The following NHSL2 variants were observed in gnomAD, a reference collection of about 807,000 sequenced individuals.
NHSL2 encodes the protein NHS like 2, also known as NHS-like protein 2.
Under a neutral mutation model 53.4 loss-of-function variants are expected in NHSL2, and 27 were observed. The ratio of observed to expected loss-of-function variants is 0.51; its 90% CI spans 0.37 to 0.70. The LOEUF (loss-of-function observed/expected upper bound fraction) is 0.70, where lower values mean the gene tolerates loss of function less well. Ranked by LOEUF, NHSL2 falls within the 30% of genes least tolerant of loss-of-function variation. The pLI, the probability that NHSL2 is intolerant of heterozygous loss-of-function variation, is 0.00. For synonymous variants in NHSL2, 408 were observed against 404.1 expected, an observed-to-expected ratio of 1.01 and a Z score of -0.12; for missense variants, 892 against 980.1, an observed-to-expected ratio of 0.91 and a Z score of 1.20.
chrX:72,071,460 A>G (rs1173774396), intron 1 of NHSL2, among the ~76,000 whole-genome samples: 1 of 111,993 alleles, frequency 8.9e-6, no homozygotes, highest in Non-Finnish European at 1.9e-5. Context: ...GTCATTTCTT[A>G]GAAGTTGCTT....
intron 1 of NHSL2, among the ~76,000 whole-genome samples, chrX:72,002,567 A>C (rs2042076873): frequency 8.9e-6 from 1 of 111,927 alleles, no homozygotes; most frequent in African/African-American, 3.3e-5. Flanking sequence ...GATTAGTGAT[A>C]TTGTTCTCAT....
intron 1 of NHSL2, among the ~76,000 whole-genome samples, chrX:71,953,378 G>T (rs768325991): frequency 8.9e-6 from 1 of 112,131 alleles, no homozygotes; most frequent in Non-Finnish European, 1.9e-5. Flanking sequence ...GTTTACTTTC[G>T]TAGTTTCCTT....
In NHSL2 at chrX:71,925,309, A is replaced by C. The variant is rs755529120; in HGVS notation, c.280+13942A>C. ...CTTAGGTTTCCCACCAGACTCCTCA[A>C]GGGTTGTATTTTATTCCTGTCTGTT... On this transcript the variant is annotated intron_variant, in intron 1 of 7. Coordinates refer to ENST00000633930, the MANE Select transcript of NHSL2 (RefSeq NM_001013627.3). 3.6e-5 allele frequency among the ~76,000 whole-genome samples: 4 copies of C among 111,686 alleles called. No homozygotes were observed. In the East Asian group the frequency reaches 1.1e-3, roughly 31 times the overall value.
At position 72,139,049 on chromosome X, in the gene NHSL2, G is replaced by A. The variant is rs1259238945; in HGVS notation, c.1501G>A (p.Val501Met). ...CAGATTCCGGGAGCGGTCACTGTCT[G>A]TGCCCACAGACTCAGGCACCACAGA... ...ASRFRERSLSVPTDSGTTDVD... is the reference protein window; with the variant it reads ...ASRFRERSLSMPTDSGTTDVD... Residue 501 changes from valine (V) to methionine (M), a missense_variant, in exon 6 of 8, where the codon GTG becomes ATG. By Grantham distance (21) the Val-to-Met change is conservative. Coordinates refer to ENST00000633930, the MANE Select transcript of NHSL2 (RefSeq NM_001013627.3). The A allele has an allele frequency of 6.8e-6, 8 of 1,171,582 alleles. No individual in the cohort carries two copies. The highest frequency in any genetic ancestry group is 9.1e-6 in the Non-Finnish European group (8 of 875,067).
At chrX:71,954,510 A>G (rs1422591034) in intron 1 of NHSL2, among the ~76,000 whole-genome samples, 1 of 112,153 alleles carries the variant, frequency 8.9e-6, no homozygotes, top group East Asian at 2.8e-4. Context: ...GGGAAAACAG[A>G]TTGATTAAAG....
intron 1 of NHSL2, among the ~76,000 whole-genome samples, chrX:71,912,155 G>T (rs2041607266): frequency 8.9e-6 from 1 of 112,758 alleles, no homozygotes; most frequent in Non-Finnish European, 1.9e-5. Flanking sequence ...GGTTCCAGTG[G>T]TGCCCTCACT....
At chrX:72,026,900 G>C (rs2042188860) in intron 1 of NHSL2, among the ~76,000 whole-genome samples, 1 of 112,365 alleles carries the variant, frequency 8.9e-6, no homozygotes, top group African/African-American at 3.2e-5. Flanking sequence ...CAGCATGCCA[G>C]GGTCAGACAC....
intron 1 of NHSL2, among the ~76,000 whole-genome samples, chrX:71,963,974 C>CACAT (rs1556312124): frequency 8.3e-5 from 4 of 47,968 alleles, no homozygotes; most frequent in Non-Finnish European, 1.0e-4. Flanking sequence ...TATATATATA[C>CACAT]ATATATATAT....
At chrX:72,020,237 T>TAC (rs987307379) in intron 1 of NHSL2, among the ~76,000 whole-genome samples, 59 of 111,512 alleles carry the variant, frequency 5.3e-4, no homozygotes, top group African/African-American at 1.6e-3. Flanking sequence ...TTCATTAAAA[T>TAC]ACACACACAC....
chrX:72,139,962 T>G lies in NHSL2; in HGVS notation c.2414T>G (p.Phe805Cys). ...KVSRHHSETNFGVKLAQKTNP... is the reference protein window; with the variant it reads ...KVSRHHSETNCGVKLAQKTNP... ...AGTCGGCACCACTCAGAGACAAATTTTGGCGTCAAGCTGGCCCAGAAAACT... is the reference window on the plus strand; with the variant it reads ...AGTCGGCACCACTCAGAGACAAATTGTGGCGTCAAGCTGGCCCAGAAAACT... Residue 805 changes from phenylalanine to cysteine, a missense_variant, in exon 6 of 8, where the codon TTT (phenylalanine) becomes TGT (cysteine). Coordinates refer to ENST00000633930, the MANE Select transcript of NHSL2 (RefSeq NM_001013627.3). 8.3e-7 allele frequency: 1 copy of G among 1,209,984 alleles called. No individual in the cohort carries two copies. The highest frequency in any genetic ancestry group is 1.8e-5 in the South Asian group (1 of 56,621).
intron 1 of NHSL2, among the ~76,000 whole-genome samples, chrX:71,991,224 A>G (rs1409753830): frequency 7.1e-5 from 8 of 112,584 alleles, no homozygotes; most frequent in Non-Finnish European, 1.3e-4. Context: ...CTTTCTGGAA[A>G]GCGTGTGTGC....
chrX:71,936,081 C>A (rs972598769), intron 1 of NHSL2, among the ~76,000 whole-genome samples: 1 of 112,015 alleles, frequency 8.9e-6, no homozygotes, highest in African/African-American at 3.2e-5. Context: ...GCATCATAAG[C>A]CTATTTGACA....
chrX:72,071,651 G>T (rs1368331128), intron 1 of NHSL2, among the ~76,000 whole-genome samples: 1 of 110,859 alleles, frequency 9.0e-6, no homozygotes, highest in Non-Finnish European at 1.9e-5. Flanking sequence ...GGTGATCCCA[G>T]AAGCCCCGAT....
At chrX:71,975,514 C>A (rs2041944369) in intron 1 of NHSL2, among the ~76,000 whole-genome samples, 1 of 111,169 alleles carries the variant, frequency 9.0e-6, no homozygotes, top group African/African-American at 3.3e-5. Context: ...GCCTATACCC[C>A]GTGATACCCT....
chrX:72,086,043 G>C (rs1168735473), intron 1 of NHSL2, among the ~76,000 whole-genome samples: 1 of 111,924 alleles, frequency 8.9e-6, no homozygotes, highest in Non-Finnish European at 1.9e-5. Flanking sequence ...CCTGGTCCCA[G>C]AGTTCACCTA....
intron 1 of NHSL2, among the ~76,000 whole-genome samples, chrX:72,087,585 G>C (rs1352712660): frequency 4.4e-5 from 5 of 112,825 alleles, no homozygotes; most frequent in Non-Finnish European, 7.5e-5. Flanking sequence ...AGATTTAAAA[G>C]TTGGGGCCAG....
intron 1 of NHSL2, among the ~76,000 whole-genome samples, chrX:72,004,641 A>G (rs1483980682): frequency 1.8e-5 from 2 of 110,062 alleles, no homozygotes; most frequent in Non-Finnish European, 3.8e-5. Flanking sequence ...TGTGGTGCAT[A>G]TTTCCATTCA....
chrX:71,959,063 T>G (rs1366523085), intron 1 of NHSL2, among the ~76,000 whole-genome samples: 1 of 112,055 alleles, frequency 8.9e-6, no homozygotes, highest in African/African-American at 3.2e-5. Context: ...AGCTACCAGT[T>G]AGGCAACCTA....
In NHSL2 at chrX:72,068,328, G is replaced by A. The variant is rs188488544; in HGVS notation, c.281-63751G>A. 4.1e-4 allele frequency among the ~76,000 whole-genome samples: 46 copies of A among 112,499 alleles called. 1 individual carries two copies. In the East Asian group the frequency reaches 9.3e-3, roughly 23 times the overall value. On this transcript the variant is annotated intron_variant, in intron 1 of 7. Coordinates refer to ENST00000633930, the MANE Select transcript of NHSL2 (RefSeq NM_001013627.3). Reference sequence around the variant, plus strand: ...GTCAGAAAGCTCTGCTTTCTGGATGGCACAGTGCCCCAAGTCTTCCAGGCT... The same window carrying A: ...GTCAGAAAGCTCTGCTTTCTGGATGACACAGTGCCCCAAGTCTTCCAGGCT...
Sources: gnomAD v4.1 joint callset for allele counts (sites outside exome capture counted in the v4.1 genomes callset) on GRCh38, gnomAD v4.1.1 for gene constraint, MANE v1.5 for transcripts, NCBI Gene and HGNC (gene_info 2026-07-23, HGNC 2026-07-21) for gene names.